ITPKB: variants seen among roughly 807,000 people sequenced by gnomAD.
The protein encoded by ITPKB is IP3 3-kinase B.
ITPKB carries 13 observed loss-of-function variants against 69.4 expected under a neutral mutation model. The ratio of observed to expected loss-of-function variants is 0.19; its 90% CI spans 0.12 to 0.30. The LOEUF (loss-of-function observed/expected upper bound fraction) is 0.30, where lower values mean the gene tolerates loss of function less well. ITPKB is among the 10% of genes least tolerant of loss of function. The pLI, the probability that ITPKB is intolerant of heterozygous loss-of-function variation, is 1.00. For missense variants in ITPKB, 1,240 were observed against 1,250.5 expected (o/e 0.99, Z 0.13); for synonymous variants, 584 against 513.7 (o/e 1.14, Z -1.85).
intron 2 of ITPKB, among the ~76,000 whole-genome samples, chr1:226,658,452 C>G (rs1669337733): frequency 6.6e-6 from 1 of 152,192 alleles, no homozygotes; most frequent in African/African-American, 2.4e-5. Context: ...AGGGGAAGGG[C>G]TTTCAAAACC....
chr1:226,700,479 A>C (rs1004566780), intron 2 of ITPKB, among the ~76,000 whole-genome samples: 602 of 147,934 alleles, frequency 4.1e-3, no homozygotes, highest in Non-Finnish European at 6.9e-3. Context: ...AAAAAAAAAA[A>C]AAAAAAAAAA....
intron 2 of ITPKB, among the ~76,000 whole-genome samples, chr1:226,697,013 G>A (rs532240252): frequency 6.6e-6 from 1 of 152,312 alleles, no homozygotes; most frequent in South Asian, 2.1e-4. Flanking sequence ...CATTCATCCA[G>A]GCCTCTTGGG....
chr1:226,723,863 A>G (rs1012638911), intron 2 of ITPKB, among the ~76,000 whole-genome samples: 1 of 152,122 alleles, frequency 6.6e-6, no homozygotes, highest in Non-Finnish European at 1.5e-5. Context: ...TCCAATCCCT[A>G]GTAACAAAGT....
At position 226,638,708 on chromosome 1, in the gene ITPKB, G is replaced by A. The variant is rs573869219; in HGVS notation, c.2553+849C>T. On this transcript the variant is annotated intron_variant, in intron 6 of 7. Coordinates refer to ENST00000429204, the MANE Select transcript of ITPKB (RefSeq NM_002221.4). ...TTGTACAACCCACACTCCTGGACTC[G>A]GAGACAGCTCGCCAGCTCTTGCTGG... Among the ~76,000 whole-genome samples, 19 of 152,206 alleles carry A rather than the reference G, an allele frequency of 1.2e-4. No homozygotes were observed. The South Asian group carries it at 1.7e-3, about 13-fold the overall frequency.
chr1:226,632,222 C>T lies in ITPKB; in HGVS notation c.*2449G>A, dbSNP rs1404539221. ...AATGCCAGGAACTCGTGGGGCCCCC[C>T]GCAGGACAGGGCAAGAGGACCCTGC... On this transcript the variant is annotated 3_prime_UTR_variant, in exon 8 of 8. Transcript: ENST00000429204. 6.6e-6 allele frequency: 1 copy of T among 152,566 alleles called. No homozygotes were observed. Among genetic ancestry groups the T allele is most frequent in the African/African-American group, 2.4e-5 (1 of 41,472 alleles). 9.5% of individuals were successfully genotyped at this position (152,566 alleles called of 1,614,324 possible). A position where few individuals can be genotyped will look rare whatever the true frequency, so the allele number is the denominator to read the frequency against.
At chr1:226,722,102 C>T (rs889420100) in intron 2 of ITPKB, among the ~76,000 whole-genome samples, 6 of 152,272 alleles carry the variant, frequency 3.9e-5, no homozygotes, top group African/African-American at 4.8e-5. Flanking sequence ...CATGAGCCAC[C>T]GCACCCAGCC....
intron 4 of ITPKB, among the ~76,000 whole-genome samples, chr1:226,644,040 G>A (rs750363530): frequency 6.6e-6 from 1 of 152,240 alleles, no homozygotes; most frequent in Non-Finnish European, 1.5e-5. Context: ...CGCTGTAGGG[G>A]ACCGCATGGT....
At chr1:226,688,446 C>T (rs528750889) in intron 2 of ITPKB, among the ~76,000 whole-genome samples, 1 of 152,252 alleles carries the variant, frequency 6.6e-6, no homozygotes, top group South Asian at 2.1e-4. Context: ...GAGTCACCCC[C>T]ACTCTGTATC....
intron 2 of ITPKB, among the ~76,000 whole-genome samples, chr1:226,714,829 G>A (rs1249786922): frequency 6.6e-6 from 1 of 152,234 alleles, no homozygotes; most frequent in African/African-American, 2.4e-5. Flanking sequence ...GTACAGAGTG[G>A]TGGGCACAAG....
chr1:226,732,540 C>CT (rs1174629347), intron 2 of ITPKB, among the ~76,000 whole-genome samples: 19 of 142,264 alleles, frequency 1.3e-4, no homozygotes, highest in African/African-American at 4.5e-4. Context: ...GCCCAGCGTT[C>CT]TTTTGTTTTT....
intron 4 of ITPKB, among the ~76,000 whole-genome samples, chr1:226,644,963 C>A (rs1186736055): frequency 1.3e-5 from 2 of 152,246 alleles, no homozygotes; most frequent in Non-Finnish European, 2.9e-5. Flanking sequence ...GGGTCCCACA[C>A]AGCCCCCTTG....
chr1:226,726,553 G>A (rs1419883140), intron 2 of ITPKB, among the ~76,000 whole-genome samples: 2 of 152,110 alleles, frequency 1.3e-5, no homozygotes, highest in African/African-American at 4.8e-5. Context: ...GTACGAGCCT[G>A]TAGTCCCAGC....
intron 2 of ITPKB, among the ~76,000 whole-genome samples, chr1:226,700,122 T>G (rs1656598835): frequency 6.6e-6 from 1 of 152,178 alleles, no homozygotes; most frequent in Non-Finnish European, 1.5e-5. Context: ...CCCAGTGCAC[T>G]GACTCAAATG....
chr1:226,642,608 A>G lies in ITPKB; in HGVS notation c.2247-483T>C, dbSNP rs1668984253. On this transcript the variant is annotated intron_variant, in intron 4 of 7. Coordinates refer to ENST00000429204, the MANE Select transcript of ITPKB (RefSeq NM_002221.4). This position sits in a 1 kb window ranked among gnomAD's most constrained non-coding sequence, Gnocchi z 6.4. The stretch of plus-strand genomic sequence containing the variant: ...AGACCCCCACAGGAACCAGCAGAAG[A>G]AGGAAGACGGAGGCAGGGCAGCAGG... Among the ~76,000 whole-genome samples the G allele has an allele frequency of 6.6e-6, 1 of 152,008 alleles. No individual in the cohort carries two copies. Among genetic ancestry groups the G allele is most frequent in the South Asian group, 2.1e-4 (1 of 4,820 alleles).
intron 2 of ITPKB, among the ~76,000 whole-genome samples, chr1:226,671,249 A>C (rs1449668837): frequency 6.6e-6 from 1 of 152,200 alleles, no homozygotes; most frequent in Non-Finnish European, 1.5e-5. Flanking sequence ...GCGCCTTCCC[A>C]ATATTCAAAC....
At chr1:226,734,513 CCCAATATAG>C (rs574386293) in intron 2 of ITPKB, among the ~76,000 whole-genome samples, 124 of 152,224 alleles carry the variant, frequency 8.1e-4, no homozygotes, top group Non-Finnish European at 1.1e-3. Flanking sequence ...CAGACTTTCC[CCCAATATAG>C]CACAACCACC....
intron 7 of ITPKB, among the ~76,000 whole-genome samples, 163 bp from the exon 8 acceptor site, chr1:226,635,049 A>G (rs1317472083): frequency 6.6e-6 from 1 of 152,176 alleles, no homozygotes; most frequent in Non-Finnish European, 1.5e-5. Flanking sequence ...AGCCGGCCCA[A>G]GAATGGCCAT....
At chr1:226,692,835 G>A (rs559118513) in intron 2 of ITPKB, among the ~76,000 whole-genome samples, 1 of 152,074 alleles carries the variant, frequency 6.6e-6, no homozygotes, top group Non-Finnish European at 1.5e-5. Flanking sequence ...AAAGAAAAGG[G>A]TAAAAAACTC....
At chr1:226,678,011 T>C (rs1655946417) in intron 2 of ITPKB, among the ~76,000 whole-genome samples, 1 of 152,162 alleles carries the variant, frequency 6.6e-6, no homozygotes, top group Admixed American at 6.5e-5. Flanking sequence ...GTACAGGCAT[T>C]ACTTGAATAC....
Sources: allele counts gnomAD v4.1 joint callset (sites outside exome capture counted in the v4.1 genomes callset), GRCh38; gene constraint gnomAD v4.1.1; non-coding constraint Gnocchi (gnomAD v3.1); transcripts MANE v1.5; gene names NCBI Gene and HGNC (gene_info 2026-07-23, HGNC 2026-07-21).